The following CSMD3 variants were observed in gnomAD, a reference collection of about 807,000 sequenced individuals.
CSMD3 encodes the protein CUB and sushi domain-containing protein 3.
In CSMD3, 177 loss-of-function variants were observed where a neutral mutation model predicts 435.2. The observed-to-expected ratio is 0.41, with a 90% CI of 0.36 to 0.46. CSMD3 has a LOEUF of 0.46. Ranked by LOEUF, CSMD3 falls within the 20% of genes least tolerant of loss-of-function variation. CSMD3 has a pLI of 0.34. For synonymous variants in CSMD3, 1,656 were observed against 1,520.5 expected, an observed-to-expected ratio of 1.09 and a Z score of -2.07; for missense variants, 4,265 against 4,504.6, an observed-to-expected ratio of 0.95 and a Z score of 1.52.
chr8:112,674,017 C>T (rs888819854), intron 16 of CSMD3, among the ~76,000 whole-genome samples: 1 of 152,046 alleles, frequency 6.6e-6, no homozygotes, highest in Non-Finnish European at 1.5e-5. Context: ...TTAAGCAGAG[C>T]CTCTAGTTTT....
Position 112,800,290 on chromosome 8 carries a change from C to A in CSMD3, c.1860-16G>T. The A allele has an allele frequency of 6.7e-7, 1 of 1,496,244 alleles. No homozygotes were observed. The highest frequency in any genetic ancestry group is 9.3e-7 in the Non-Finnish European group (1 of 1,073,372). 92.7% of individuals were successfully genotyped at this position (1,496,244 alleles called of 1,614,324 possible). Reference sequence around the variant, plus strand: ...TCCAGTCAGCCTAAAAAGAGATGGACAAAGAAGGGAGAGATGGGTTATTAA... The same window carrying A: ...TCCAGTCAGCCTAAAAAGAGATGGAAAAAGAAGGGAGAGATGGGTTATTAA... On this transcript the variant is annotated splice_polypyrimidine_tract_variant and intron_variant, in intron 12 of 70. Transcript: ENST00000297405.
chr8:113,227,482 T>C (rs946825595), intron 3 of CSMD3, among the ~76,000 whole-genome samples: 20 of 151,790 alleles, frequency 1.3e-4, no homozygotes, highest in South Asian at 1.2e-3. Context: ...ATGAATATCA[T>C]ACATGATATG....
At chr8:112,760,320 C>T (rs1007076006) in intron 13 of CSMD3, among the ~76,000 whole-genome samples, 2 of 152,118 alleles carry the variant, frequency 1.3e-5, no homozygotes, top group Non-Finnish European at 2.9e-5. Flanking sequence ...TTTCTCACTT[C>T]CTTTTGTAAA....
intron 4 of CSMD3, among the ~76,000 whole-genome samples, chr8:113,105,346 A>G (rs1588082334): frequency 6.6e-6 from 1 of 152,130 alleles, no homozygotes; most frequent in South Asian, 2.1e-4. Context: ...GAGGGATTAC[A>G]AGTAGAGCAT....
At chr8:113,164,952 C>A (rs1265105487) in intron 4 of CSMD3, among the ~76,000 whole-genome samples, 2 of 152,108 alleles carry the variant, frequency 1.3e-5, no homozygotes, top group East Asian at 1.9e-4. Context: ...CTCCTTCCTC[C>A]ATTGGTTTAT....
chr8:113,140,293 A>T (rs975464426), intron 4 of CSMD3, among the ~76,000 whole-genome samples: 8 of 151,024 alleles, frequency 5.3e-5, no homozygotes, highest in Admixed American at 1.3e-4. Context: ...AAAAATTTTT[A>T]AAAAACACAA....
chr8:113,180,020 T>A (rs1303742185), intron 3 of CSMD3, among the ~76,000 whole-genome samples: 1 of 151,942 alleles, frequency 6.6e-6, no homozygotes, highest in South Asian at 2.1e-4. Flanking sequence ...CAGAATTGCA[T>A]AATTATTCAG....
intron 4 of CSMD3, among the ~76,000 whole-genome samples, chr8:113,163,935 T>G (rs1429258775): frequency 6.6e-6 from 1 of 152,064 alleles, no homozygotes; most frequent in Non-Finnish European, 1.5e-5. Flanking sequence ...ACTAATATTG[T>G]AGATAATGTA....
rs532258338 is a variant in CSMD3, at chr8:112,317,804, A to G, written c.7360+1033T>C. Among the ~76,000 whole-genome samples, 132 of 152,168 alleles carry G rather than the reference A, an allele frequency of 8.7e-4. 1 individual carries two copies. Among genetic ancestry groups the G allele is most frequent in the Middle Eastern group, 6.8e-3 (2 of 294 alleles). ...AGGCTTTCAATTTTATAGTATGCTT[A>G]AAACCCCATAATAATCAGAAGTTAC... On this transcript the variant is annotated intron_variant, in intron 47 of 70. Transcript: ENST00000297405.
intron 1 of CSMD3, among the ~76,000 whole-genome samples, chr8:113,361,550 G>A (rs2094276627): frequency 6.6e-6 from 1 of 151,906 alleles, no homozygotes; most frequent in South Asian, 2.1e-4. Flanking sequence ...GAAATCATAT[G>A]TTTCCAATGG....
chr8:112,665,206 C>CT (rs976440329), intron 17 of CSMD3, among the ~76,000 whole-genome samples: 18 of 152,184 alleles, frequency 1.2e-4, no homozygotes, highest in Non-Finnish European at 2.1e-4. Context: ...ATGTCACTTC[C>CT]TTTTTTTGTC....
chr8:113,249,364 C>T (rs2132289265), intron 3 of CSMD3, among the ~76,000 whole-genome samples: 1 of 152,098 alleles, frequency 6.6e-6, no homozygotes, highest in Admixed American at 6.6e-5. Context: ...GGATATTCGG[C>T]ATGGAAACAT....
At chr8:112,739,881 A>G (rs1162601040) in intron 13 of CSMD3, among the ~76,000 whole-genome samples, 1 of 151,774 alleles carries the variant, frequency 6.6e-6, no homozygotes, top group Non-Finnish European at 1.5e-5. Context: ...ACATTTATAA[A>G]CTCTCCTGTA....
Position 112,295,994 on chromosome 8 carries a change from C to T in CSMD3, c.8453G>A (p.Gly2818Glu), listed in dbSNP as rs2130716671. The T allele has an allele frequency of 6.2e-7, 1 of 1,612,072 alleles. No individual in the cohort carries two copies. The highest frequency in any genetic ancestry group is 8.5e-7 in the Non-Finnish European group (1 of 1,178,374). The change falls in exon 54 of 71, where the codon GGA (glycine) becomes GAA (glutamate). Residue 2818 changes from glycine (G) to glutamate (E), a missense_variant. By Grantham distance (98) the Gly-to-Glu change is moderately conservative (BLOSUM62 -2). Around this residue, in one of 3 missense-constraint regions of CSMD3, gnomAD observed 3,255 missense variants for 3,380.2 expected, o/e 0.96. Transcript: ENST00000297405. ...SETRCLAGHC[G>E]IPELIVNGQV... ...ACCATTCACAATCAGTTCTGGAATT[C>T]CACAATGACCCGCTGAAATACGTTA...
intron 22 of CSMD3, among the ~76,000 whole-genome samples, chr8:112,636,364 T>C (rs1737986732): frequency 6.6e-6 from 1 of 152,132 alleles, no homozygotes; most frequent in Non-Finnish European, 1.5e-5. Context: ...TCATCTTTTA[T>C]GCATGTTAAT....
chr8:112,884,342 T>A (rs1162412212), intron 10 of CSMD3, among the ~76,000 whole-genome samples: 1 of 151,844 alleles, frequency 6.6e-6, no homozygotes, highest in Admixed American at 6.6e-5. Context: ...CTTTTGCTTC[T>A]TCTATGACTC....
chr8:112,701,823 G>A (rs1435129858), intron 13 of CSMD3, among the ~76,000 whole-genome samples: 1 of 152,050 alleles, frequency 6.6e-6, no homozygotes, highest in Admixed American at 6.6e-5. Flanking sequence ...TTCAACCTCT[G>A]TGCCCTGAGG....
intron 27 of CSMD3, among the ~76,000 whole-genome samples, chr8:112,547,123 A>G (rs1194676100): frequency 6.6e-6 from 1 of 152,150 alleles, no homozygotes; most frequent in Non-Finnish European, 1.5e-5. Flanking sequence ...GACAATTAAA[A>G]CGACAATACT....
intron 5 of CSMD3, among the ~76,000 whole-genome samples, chr8:113,031,260 G>A (rs926432451): frequency 2.0e-5 from 3 of 151,566 alleles, no homozygotes; most frequent in African/African-American, 7.3e-5. Flanking sequence ...TCTACAACAG[G>A]TGAATGATTC....
Sources: gnomAD v4.1 joint callset for allele counts (sites outside exome capture counted in the v4.1 genomes callset) on GRCh38, gnomAD v4.1.1 for gene constraint, gnomAD v4.1.1 regional missense constraint, MANE v1.5 for transcripts, NCBI Gene and HGNC (gene_info 2026-07-23, HGNC 2026-07-21) for gene names.